PARP9: variants seen among roughly 807,000 people sequenced by gnomAD.
The protein encoded by PARP9 is protein mono-ADP-ribosyltransferase PARP9.
In PARP9, 48 loss-of-function variants were observed where a neutral mutation model predicts 68.8. The observed-to-expected ratio is 0.70, with a 90% CI of 0.55 to 0.89. The LOEUF (loss-of-function observed/expected upper bound fraction) is 0.89, where lower values mean the gene tolerates loss of function less well. PARP9 is among the 40% of genes least tolerant of loss of function. PARP9 has a pLI of 0.00. For missense variants in PARP9, 806 were observed against 969.3 expected (o/e 0.83, Z 2.24); for synonymous variants, 309 against 333.8 (o/e 0.93, Z 0.81).
intron 6 of PARP9, chr3:122,545,700 A>C (rs527346202): frequency 1.8e-6 from 1 of 544,136 alleles, no homozygotes; most frequent in Non-Finnish European, 3.3e-6. Context: ...GGAAAAATGG[A>C]GATGAAATCA....
At chr3:122,550,044 G>A (rs1015184684) in intron 6 of PARP9, among the ~76,000 whole-genome samples, 2 of 152,140 alleles carry the variant, frequency 1.3e-5, no homozygotes, top group Non-Finnish European at 2.9e-5. Context: ...ACAGAAGCTA[G>A]GTAGTGGGTA....
chr3:122,550,411 G>A (rs1349976630), intron 6 of PARP9, among the ~76,000 whole-genome samples, 173 bp downstream of exon 6: 1 of 152,126 alleles, frequency 6.6e-6, no homozygotes, highest in Non-Finnish European at 1.5e-5. Context: ...TGTTTTACTA[G>A]GTCAGAGGTG....
At chr3:122,535,518 CT>C (rs2077573214) in intron 10 of PARP9, 1 of 985,250 alleles carries the variant, frequency 1.0e-6, no homozygotes, top group Admixed American at 6.2e-5. Context: ...ATTTCTTTTC[CT>C]CTTTTGGAGA....
At chr3:122,556,794 A>G (rs2079725541) in intron 3 of PARP9, among the ~76,000 whole-genome samples, 1 of 152,074 alleles carries the variant, frequency 6.6e-6, no homozygotes, top group African/African-American at 2.4e-5. Context: ...AGGGGTAGTA[A>G]CCACAGGAGC....
At chr3:122,545,602 T>C (rs760708497) in intron 6 of PARP9, 113 bp from the exon 7 acceptor site, 25 of 956,282 alleles carry the variant, frequency 2.6e-5, no homozygotes, top group African/African-American at 4.9e-5. Flanking sequence ...GTCAGTCCCA[T>C]TCCTACTACC....
At chr3:122,556,820 A>G (rs1314291634) in intron 3 of PARP9, among the ~76,000 whole-genome samples, 1 of 151,910 alleles carries the variant, frequency 6.6e-6, no homozygotes, top group Non-Finnish European at 1.5e-5. Flanking sequence ...TATTTATCCA[A>G]CTTCTTTTTC....
rs35670026 is a variant in PARP9, at chr3:122,547,112, CT to C, written c.1327-1624del. Among the ~76,000 whole-genome samples, 66 of 104,026 alleles carry C rather than the reference CT, an allele frequency of 6.3e-4. 1 individual carries two copies. The highest frequency in any genetic ancestry group is 1.8e-3 in the South Asian group (6 of 3,298). 68.2% of individuals were successfully genotyped at this position (104,026 alleles called of 152,430 possible). ...TATATATATACACGTATTTTTTTTTCTTTTTTTTTTTTTTTGAGATGGCCCT... is the reference window on the plus strand; with the variant it reads ...TATATATATACACGTATTTTTTTTTCTTTTTTTTTTTTTTGAGATGGCCCT... On this transcript the variant is annotated intron_variant, in intron 6 of 10. Coordinates refer to ENST00000682323, the MANE Select transcript of PARP9 (RefSeq NM_001146105.2).
Position 122,536,969 on chromosome 3 carries a change from T to C in PARP9, c.1870A>G (p.Lys624Glu), listed in dbSNP as rs759776584. Reference protein sequence around the residue: ...PPTQELLDQKKQFEKCGLQVL... With the variant: ...PPTQELLDQKEQFEKCGLQVL... Reference sequence around the variant, plus strand: ...TGCAAACCACATTTTTCAAACTGTTTCTTTTGATCTAGAAGCTCTTGAGTT... The same window carrying C: ...TGCAAACCACATTTTTCAAACTGTTCCTTTTGATCTAGAAGCTCTTGAGTT... The change falls in exon 9 of 11, where the codon AAA (lysine) becomes GAA (glutamate). Residue 624 changes from lysine to glutamate, a missense_variant. This residue lies in a region of PARP9 where 680 missense variants were observed against 858.8 expected (regional missense o/e 0.79). Transcript: ENST00000682323. The C allele has an allele frequency of 6.2e-6, 10 of 1,613,394 alleles. No individual in the cohort carries two copies. The highest frequency in any genetic ancestry group is 6.8e-6 in the Non-Finnish European group (8 of 1,179,878).
intron 7 of PARP9, 65 bp downstream of exon 7, chr3:122,545,367 G>T: frequency 3.3e-6 from 5 of 1,513,160 alleles, no homozygotes; most frequent in Admixed American, 3.3e-5. Flanking sequence ...TAGTTCAGAT[G>T]ATCAAGAATA....
At position 122,564,263 on chromosome 3, in the gene PARP9, C is replaced by T. The variant is rs9826499; in HGVS notation, c.-108G>A. On this transcript the variant is annotated 5_prime_UTR_variant, in exon 1 of 11. Coordinates refer to ENST00000682323, the MANE Select transcript of PARP9 (RefSeq NM_001146105.2). ...TACTCACCCGGCAGGCCGCTCTCCT[C>T]GGTGCAGACAGCACAGGGAGGAGGG... 6,868 of 846,672 alleles carry T rather than the reference C, an allele frequency of 8.1e-3. 365 individuals carry two copies. The African/African-American group carries it at 0.11, about 14-fold the overall frequency. The allele number at this position is 846,672 out of a possible 1,614,324, so 52.4% of individuals were successfully genotyped here. A position where few individuals can be genotyped will look rare whatever the true frequency, so the allele number is the denominator to read the frequency against.
chr3:122,532,657 TAAC>T (rs774781212), intron 10 of PARP9: 15 of 154,982 alleles, frequency 9.7e-5, no homozygotes, highest in Non-Finnish European at 1.7e-4. Context: ...ATAGATGTCA[TAAC>T]AAAGGAATGG....
In PARP9 at chr3:122,552,571, T is replaced by C; in HGVS notation, c.954A>G (p.Leu318=). The C allele has an allele frequency of 1.2e-6, 2 of 1,614,128 alleles. No individual in the cohort carries two copies. Among genetic ancestry groups the C allele is most frequent in the East Asian group, 2.2e-5 (1 of 44,864 alleles). The change falls in exon 5 of 11, where the codon CTA becomes CTG. Residue 318 remains leucine, a synonymous_variant. Transcript: ENST00000682323. Reference sequence around the variant, plus strand: ...ATTTCATTTCAACTCCTGCTTGTTGTAGAATTGACTTTGCCACAGGTCCAA... The same window carrying C: ...ATTTCATTTCAACTCCTGCTTGTTGCAGAATTGACTTTGCCACAGGTCCAA... The part of the protein sequence containing the change: ...ITVGPVAKSI[L]QQAGVEMKSE...
At chr3:122,538,649 A>G (rs1466240357) in intron 8 of PARP9, among the ~76,000 whole-genome samples, 4 of 140,148 alleles carry the variant, frequency 2.9e-5, no homozygotes, top group African/African-American at 1.1e-4. Context: ...CAGTTAATTT[A>G]AAGCAATGCC....
At chr3:122,546,968 C>CTATATATATATATATATA (rs57337681) in intron 6 of PARP9, among the ~76,000 whole-genome samples, 1 of 70,144 alleles carries the variant, frequency 1.4e-5, no homozygotes, top group Non-Finnish European at 2.9e-5. Context: ...ATACATGGCA[C>CTATATATATATATATATA]TATATATATA....
upstream of PARP9, chr3:122,564,743 G>T: frequency 8.5e-7 from 1 of 1,174,718 alleles, no homozygotes; most frequent in Non-Finnish European, 1.2e-6. Context: ...TGGCGGACAG[G>T]GACGGGGCCC....
At chr3:122,561,113 C>A (rs1032863501) in intron 1 of PARP9, among the ~76,000 whole-genome samples, 1 of 152,218 alleles carries the variant, frequency 6.6e-6, no homozygotes, top group Admixed American at 6.5e-5. Context: ...TGTCCACCTG[C>A]CCACTCAGCC....
intron 6 of PARP9, among the ~76,000 whole-genome samples, chr3:122,547,085 C>T (rs979622312): frequency 2.5e-5 from 3 of 121,630 alleles, no homozygotes; most frequent in Admixed American, 8.5e-5. Flanking sequence ...CACACACACA[C>T]ATATATATAT....
rs775721272 is a variant in PARP9 at position 122,552,671 on chromosome 3, T to C, written c.886-32A>G. The C allele has an allele frequency of 6.1e-6, 9 of 1,481,964 alleles. No individual in the cohort carries two copies. The Middle Eastern group carries it at 5.9e-4, about 97-fold the overall frequency. The allele number at this position is 1,481,964 out of a possible 1,614,324, so 91.8% of individuals were successfully genotyped here. A position where few individuals can be genotyped will look rare whatever the true frequency, so the allele number is the denominator to read the frequency against. ...AGGGAAGAAAGGGTAGGATTCATTG[T>C]TAAATTCCTTCTTCTTAAATGACTA... On this transcript the variant is annotated intron_variant, in intron 4 of 10. Coordinates refer to ENST00000682323, the MANE Select transcript of PARP9 (RefSeq NM_001146105.2).
In PARP9 at chr3:122,558,533, A is replaced by G. The variant is rs535950407; in HGVS notation, c.16-66T>C. The stretch of plus-strand genomic sequence containing the variant: ...GAATGACTACAGCTTACTGATAACC[A>G]ATACACCCTAGTAAACACAATGCAA... On this transcript the variant is annotated intron_variant, in intron 2 of 10. Coordinates refer to ENST00000682323, the MANE Select transcript of PARP9 (RefSeq NM_001146105.2). 3.8e-6 allele frequency: 6 copies of G among 1,567,824 alleles called. No individual in the cohort carries two copies. The Admixed American group carries it at 1.0e-4, about 26-fold the overall frequency.
Sources: gnomAD v4.1 joint callset for allele counts (sites outside exome capture counted in the v4.1 genomes callset) on GRCh38, gnomAD v4.1.1 for gene constraint, gnomAD v4.1.1 regional missense constraint, MANE v1.5 for transcripts, NCBI Gene and HGNC (gene_info 2026-07-23, HGNC 2026-07-21) for gene names.